The following XPO4 variants were observed in gnomAD, a reference collection of about 807,000 sequenced individuals.
XPO4 encodes the protein exportin 4, also known as exportin-4.
A neutral mutation model predicts 143.0 loss-of-function variants in XPO4; 39 were observed. The observed-to-expected ratio is 0.27, with a 90% CI of 0.21 to 0.36. The LOEUF is 0.36. Among genes scored for constraint, XPO4 ranks in the 10% least tolerant of loss-of-function variants. XPO4 has a pLI of 1.00. For synonymous variants in XPO4, 439 were observed against 474.0 expected (o/e 0.93, Z 0.96); for missense variants, 907 against 1,348.0 (o/e 0.67, Z 5.12).
At position 20,902,716 on chromosome 13, in the gene XPO4, G is replaced by A. The variant is rs771681959; in HGVS notation, c.23C>T (p.Pro8Leu). 18 of 1,565,166 alleles carry A rather than the reference G, an allele frequency of 1.2e-5. No homozygotes were observed. The highest frequency in any genetic ancestry group is 1.4e-5 in the African/African-American group (1 of 71,780). Residue 8 changes from proline to leucine, a missense_variant, in exon 1 of 23, where the codon CCC (proline) becomes CTC (leucine). Pro to Leu is a moderately conservative substitution (Grantham distance 98). Transcript: ENST00000255305. MMAAALG[P>L]PEVIAQLENA... The stretch of plus-strand genomic sequence containing the variant: ...CTCCAGCTGAGCGATCACTTCTGGG[G>A]GCCCCAGCGCCGCCGCCATCATGGT...
chr13:20,809,059 G>A (rs370475289), intron 11 of XPO4, 24 bp downstream of exon 11: 4 of 1,603,900 alleles, frequency 2.5e-6, no homozygotes, highest in Non-Finnish European at 3.4e-6. Flanking sequence ...TTTGCTCCAT[G>A]GGGTTTCTTT....
chr13:20,831,605 G>A (rs1351184870), intron 6 of XPO4, among the ~76,000 whole-genome samples: 1 of 151,958 alleles, frequency 6.6e-6, no homozygotes, highest in Non-Finnish European at 1.5e-5. Context: ...CTGAATGCAT[G>A]CAATTTATAT....
chr13:20,852,635 T>C (rs1237858317), intron 4 of XPO4: 51 of 957,396 alleles, frequency 5.3e-5, no homozygotes, highest in Non-Finnish European at 6.1e-5. Context: ...TATAATATTT[T>C]ATAACATTTA....
rs1181029136 is a variant in XPO4, at chr13:20,800,358, CAAGA to C, written c.1978-37_1978-34del. 7 of 1,560,182 alleles carry C rather than the reference CAAGA, an allele frequency of 4.5e-6. No individual in the cohort carries two copies. In the South Asian group the frequency reaches 8.4e-5, roughly 19 times the overall value. On this transcript the variant is annotated intron_variant, in intron 14 of 22. Transcript: ENST00000255305. ...GAGGAAACAAATTTTTTAAGGTAAG[CAAGA>C]AAGATCAACTCAAGAAAAAAAAAAC... is the stretch of plus-strand genomic sequence containing the variant.
At chr13:20,831,049 T>G (rs2059846541) in intron 6 of XPO4, among the ~76,000 whole-genome samples, 1 of 152,042 alleles carries the variant, frequency 6.6e-6, no homozygotes, top group African/African-American at 2.4e-5. Flanking sequence ...ACTATTTCTA[T>G]CTGTATGTAT....
At chr13:20,873,191 C>G (rs1408596067) in intron 1 of XPO4, among the ~76,000 whole-genome samples, 3 of 151,788 alleles carry the variant, frequency 2.0e-5, no homozygotes, top group African/African-American at 7.3e-5. Context: ...ACTGGGGTTT[C>G]TAGCCCCAAC....
intron 6 of XPO4, among the ~76,000 whole-genome samples, chr13:20,831,436 TACTAA>T (rs930601858): frequency 1.3e-5 from 2 of 152,214 alleles, no homozygotes; most frequent in African/African-American, 4.8e-5. Flanking sequence ...ACTGATTATT[TACTAA>T]ACTGTCTTTT....
intron 1 of XPO4, among the ~76,000 whole-genome samples, chr13:20,873,727 T>G (rs1212354179): frequency 1.3e-5 from 2 of 152,066 alleles, no homozygotes; most frequent in Non-Finnish European, 2.9e-5. Context: ...GCCTCCCAGG[T>G]TCAAGCAATT....
chr13:20,859,982 AAAAAG>A (rs1026560702), intron 3 of XPO4: 29 of 321,090 alleles, frequency 9.0e-5, no homozygotes, highest in African/African-American at 6.3e-4. Flanking sequence ...CAGCTCCACA[AAAAAG>A]AACCGCTCTA....
rs2059462990 is a variant in XPO4, at chr13:20,803,498, T to A, written c.1818-2508A>T. On this transcript the variant is annotated intron_variant, in intron 13 of 22. Transcript: ENST00000255305. This position sits in a 1 kb window ranked among gnomAD's most constrained non-coding sequence, Gnocchi z 4.1. The stretch of plus-strand genomic sequence containing the variant: ...TCTTCTACCTCAGAAATACCTCTCA[T>A]AACCCAAGAACCTTTCTCCATCTTC... Among the ~76,000 whole-genome samples, 1 of 152,140 alleles carries A rather than the reference T, an allele frequency of 6.6e-6. No individual in the cohort carries two copies. Among genetic ancestry groups the A allele is most frequent in the Non-Finnish European group, 1.5e-5 (1 of 68,038 alleles).
chr13:20,879,435 T>A, intron 1 of XPO4: 2 of 552,950 alleles, frequency 3.6e-6, no homozygotes, highest in Non-Finnish European at 4.6e-6. Flanking sequence ...CTCTTGCCCA[T>A]CACAACAGGA....
chr13:20,847,434 G>C (rs2060039038), intron 4 of XPO4, among the ~76,000 whole-genome samples: 1 of 152,112 alleles, frequency 6.6e-6, no homozygotes, highest in African/African-American at 2.4e-5. Flanking sequence ...ACAGAGGACA[G>C]CTTCTTCCCA....
intron 7 of XPO4, among the ~76,000 whole-genome samples, chr13:20,823,562 T>C (rs2049991047): frequency 6.9e-6 from 1 of 144,976 alleles, no homozygotes; most frequent in South Asian, 2.4e-4. Context: ...GAGCTAAGAA[T>C]GGTTGTGTTT....
intron 13 of XPO4, among the ~76,000 whole-genome samples, chr13:20,804,149 T>TAC (rs1034638821): frequency 2.7e-5 from 4 of 150,520 alleles, no homozygotes; most frequent in South Asian, 2.1e-4. Flanking sequence ...ACTATATATA[T>TAC]ACACACAATA....
chr13:20,857,584 A>G (rs377038468), intron 3 of XPO4, among the ~76,000 whole-genome samples: 1,903 of 151,706 alleles, frequency 0.013, 37 homozygotes, highest in African/African-American at 0.043. Flanking sequence ...AAAATTAGCC[A>G]GGCGTGGTGG....
chr13:20,834,783 G>A (rs112410227), intron 6 of XPO4, among the ~76,000 whole-genome samples: 5,819 of 151,978 alleles, frequency 0.038, 382 homozygotes, highest in African/African-American at 0.13. Flanking sequence ...CAACATAGTG[G>A]GATCCTGCCC....
chr13:20,851,932 C>T, intron 4 of XPO4: 3 of 985,298 alleles, frequency 3.0e-6, no homozygotes, highest in Non-Finnish European at 2.4e-6. Context: ...ATCCAATTGC[C>T]AGGTTGCAGT....
chr13:20,807,983 A>G (rs1471354189), intron 12 of XPO4, among the ~76,000 whole-genome samples: 1 of 152,162 alleles, frequency 6.6e-6, no homozygotes, highest in Non-Finnish European at 1.5e-5. Context: ...TCAAAAGTCA[A>G]GATTTTTTGC....
intron 4 of XPO4, chr13:20,851,090 C>T: frequency 3.0e-6 from 3 of 985,270 alleles, no homozygotes; most frequent in Non-Finnish European, 3.6e-6. Context: ...TGTTCACTGT[C>T]ATTTATATCT....
Sources: allele counts gnomAD v4.1 joint callset (sites outside exome capture counted in the v4.1 genomes callset), GRCh38; gene constraint gnomAD v4.1.1; non-coding constraint Gnocchi (gnomAD v3.1); transcripts MANE v1.5; gene names NCBI Gene and HGNC (gene_info 2026-07-23, HGNC 2026-07-21).